Variants in LPIN3 observed in about 807,000 individuals in gnomAD.
LPIN3 encodes phosphatidate phosphatase LPIN3.
LPIN3 carries 82 observed loss-of-function variants against 94.7 expected under a neutral mutation model. The observed-to-expected ratio is 0.87, with a 90% CI of 0.72 to 1.04. LPIN3 has a LOEUF of 1.04. LPIN3 is among the 50% of genes least tolerant of loss of function. LPIN3 has a pLI of 0.00. For missense variants in LPIN3, 996 were observed against 1,090.5 expected (o/e 0.91, Z 1.22); for synonymous variants, 418 against 443.3 (o/e 0.94, Z 0.72).
At position 41,345,939 on chromosome 20, in the gene LPIN3, T is replaced by C. The variant is rs778876096; in HGVS notation, c.136T>C (p.Ser46Pro). The change falls in exon 2 of 20, where the codon TCA (serine) becomes CCA (proline). Residue 46 changes from serine (S) to proline (P), a missense_variant. By Grantham distance (74) the Ser-to-Pro change is moderately conservative. Coordinates refer to ENST00000373257, the MANE Select transcript of LPIN3 (RefSeq NM_022896.3). ...VKQVDGSFRC[S>P]PFHVRFGKLG... ...GCAGGTGGACGGCTCGTTCCGGTGC[T>C]CACCCTTCCACGTGCGTTTTGGCAA... The C allele has an allele frequency of 6.2e-7, 1 of 1,614,142 alleles. No individual in the cohort carries two copies. Among genetic ancestry groups the C allele is most frequent in the Non-Finnish European group, 8.5e-7 (1 of 1,180,028 alleles).
At chr20:41,349,648 T>C (rs2045926689) in intron 5 of LPIN3, 126 bp from the exon 6 acceptor site, 3 of 1,166,122 alleles carry the variant, frequency 2.6e-6, no homozygotes, top group Admixed American at 3.1e-5. Flanking sequence ...TCTTTACATA[T>C]TCCTTATATA....
chr20:41,352,933 T>C, intron 11 of LPIN3, 66 bp downstream of exon 11: 1 of 1,561,668 alleles, frequency 6.4e-7, no homozygotes, highest in Non-Finnish European at 8.8e-7. Flanking sequence ...ACGGAGACCC[T>C]TAGCAAGGAA....
intron 14 of LPIN3, 100 bp downstream of exon 14, chr20:41,356,134 A>G: frequency 4.7e-6 from 7 of 1,487,988 alleles, no homozygotes; most frequent in South Asian, 1.3e-5. Context: ...AGGGAGCCAC[A>G]TGTTCACCAA....
rs750657532 is a variant in LPIN3 at position 41,355,927 on chromosome 20, G to A, written c.1696G>A (p.Asp566Asn). The A allele has an allele frequency of 8.7e-6, 14 of 1,614,104 alleles. No homozygotes were observed. The highest frequency in any genetic ancestry group is 2.2e-5 in the East Asian group (1 of 44,882). ...EKTEVLSSDD[D>N]APDSPVILEI... ...GACAGAAGTCCTGAGCAGTGATGACGATGCCCCAGACAGCCCTGTGATCCT... is the reference window on the plus strand; with the variant it reads ...GACAGAAGTCCTGAGCAGTGATGACAATGCCCCAGACAGCCCTGTGATCCT... Residue 566 changes from aspartate to asparagine, a missense_variant, in exon 14 of 20, where the codon GAT becomes AAT. Transcript: ENST00000373257.
At chr20:41,341,702 G>A (rs1251299340) in intron 1 of LPIN3, among the ~76,000 whole-genome samples, 1 of 152,236 alleles carries the variant, frequency 6.6e-6, no homozygotes, top group Non-Finnish European at 1.5e-5. Flanking sequence ...TCCAAACTCC[G>A]CTGGGCGCGG....
chr20:41,356,709 G>A (rs1159586090), intron 14 of LPIN3, among the ~76,000 whole-genome samples: 1 of 152,206 alleles, frequency 6.6e-6, no homozygotes, highest in Non-Finnish European at 1.5e-5. Context: ...GTGTTTTCCT[G>A]CCAACAGCAG....
Position 41,350,260 on chromosome 20 carries a change from A to G in LPIN3, c.965A>G (p.His322Arg). ...EDPTLVGPPL[H>R]TPETEESKTQ... is the part of the protein sequence containing the mutation. ...CCCACTCTAGTGGGTCCCCCTCTCC[A>G]CACCCCAGAGACAGAGGAAAGCAAG... The change falls in exon 7 of 20, where the codon CAC (histidine) becomes CGC (arginine). Residue 322 changes from histidine to arginine, a missense_variant. Physicochemically the swap from His to Arg is conservative, Grantham distance 29. Coordinates refer to ENST00000373257, the MANE Select transcript of LPIN3 (RefSeq NM_022896.3). 1 of 1,613,772 alleles carries G rather than the reference A, an allele frequency of 6.2e-7. No homozygotes were observed. The highest frequency in any genetic ancestry group is 1.3e-5 in the African/African-American group (1 of 75,018).
intron 18 of LPIN3, 31 bp from the exon 19 acceptor site, chr20:41,358,408 C>T (rs934434313): frequency 1.9e-6 from 3 of 1,613,672 alleles, no homozygotes; most frequent in Non-Finnish European, 2.5e-6. Context: ...CTGCAGGCCT[C>T]CATTCCATGG....
At chr20:41,349,584 G>A (rs1024804957) in intron 5 of LPIN3, among the ~76,000 whole-genome samples, 190 bp from the exon 6 acceptor site, 1 of 150,376 alleles carries the variant, frequency 6.6e-6, no homozygotes, top group Non-Finnish European at 1.5e-5. Context: ...TTACTGGATT[G>A]TCTTCTTCTT....
chr20:41,358,857 C>T lies in LPIN3; in HGVS notation c.2547C>T (p.Thr849=). ...REPLPAVDLD[T]LD ...CACTGCCTGCTGTGGACCTTGATACCCTGGACTGAACCTGCCCTGGCTGGC... is the reference window on the plus strand; with the variant it reads ...CACTGCCTGCTGTGGACCTTGATACTCTGGACTGAACCTGCCCTGGCTGGC... Residue 849 remains threonine, a synonymous_variant, in exon 20 of 20, where the codon ACC becomes ACT. Coordinates refer to ENST00000373257, the MANE Select transcript of LPIN3 (RefSeq NM_022896.3). 6.2e-7 allele frequency: 1 copy of T among 1,613,884 alleles called. No individual in the cohort carries two copies. The highest frequency in any genetic ancestry group is 1.1e-5 in the South Asian group (1 of 91,062).
rs756955559 is a variant in LPIN3 at position 41,348,658 on chromosome 20, T to TG, written c.335dup (p.Leu113SerfsTer15). On this transcript the variant is annotated frameshift_variant, in exon 4 of 20. Coordinates refer to ENST00000373257, the MANE Select transcript of LPIN3 (RefSeq NM_022896.3). LOFTEE classifies it high-confidence loss of function. Reference sequence around the variant, plus strand: ...CGGCCTGTGCACCTCACCCATCCCTTGGGGGGGTCTGTCTGGCTTCCCCTC... The same window carrying TG: ...CGGCCTGTGCACCTCACCCATCCCTTGGGGGGGGTCTGTCTGGCTTCCCCTC... 1.4e-4 allele frequency: 228 copies of TG among 1,613,320 alleles called. No individual in the cohort carries two copies. Among genetic ancestry groups the TG allele is most frequent in the Middle Eastern group, 9.9e-4 (6 of 6,054 alleles).
rs532956632 is a variant in LPIN3 at position 41,351,699 on chromosome 20, G to C, written c.1103-122G>C. On this transcript the variant is annotated intron_variant, in intron 7 of 19. Transcript: ENST00000373257. The stretch of plus-strand genomic sequence containing the variant: ...CAGGCAGTGCAGACATGGGACATTT[G>C]TATCACTGCAGAAGGTTCTGCTGGG... 5.2e-6 allele frequency: 4 copies of C among 773,106 alleles called. No individual in the cohort carries two copies. In the East Asian group the frequency reaches 1.1e-4, roughly 20 times the overall value. The allele number at this position is 773,106 out of a possible 1,614,324, so 47.9% of individuals were successfully genotyped here.
rs543093899 is a variant in LPIN3 at position 41,349,807 on chromosome 20, C to T, written c.672C>T (p.Ser224=). Residue 224 remains serine (S), a synonymous_variant, in exon 6 of 20, where the codon AGC becomes AGT. Coordinates refer to ENST00000373257, the MANE Select transcript of LPIN3 (RefSeq NM_022896.3). The stretch of plus-strand genomic sequence containing the variant: ...CAGGTGAGCTAACATCCCCTAAGAG[C>T]GACTCGGAGCTGGAGGTGCGGACCC... The part of the protein sequence containing the change: ...LSAGELTSPK[S]DSELEVRTPE... 11 of 1,613,502 alleles carry T rather than the reference C, an allele frequency of 6.8e-6. No homozygotes were observed. Among genetic ancestry groups the T allele is most frequent in the South Asian group, 1.1e-5 (1 of 91,064 alleles).
intron 15 of LPIN3, 53 bp from the exon 16 acceptor site, chr20:41,357,308 G>A (rs2046245055): frequency 1.2e-6 from 2 of 1,603,444 alleles, no homozygotes; most frequent in African/African-American, 2.7e-5. Flanking sequence ...TCCTGGGGCT[G>A]GAGCTGGGCC....
Position 41,352,607 on chromosome 20 carries a change from G to A in LPIN3, c.1365G>A (p.Glu455=), listed in dbSNP as rs1264530444. 1 of 1,614,090 alleles carries A rather than the reference G, an allele frequency of 6.2e-7. No individual in the cohort carries two copies. Among genetic ancestry groups the A allele is most frequent in the South Asian group, 1.1e-5 (1 of 91,082 alleles). The change falls in exon 10 of 20, where the codon GAG becomes GAA. Residue 455 remains glutamate, a splice_region_variant and synonymous_variant. Coordinates refer to ENST00000373257, the MANE Select transcript of LPIN3 (RefSeq NM_022896.3). ...GLADSRDISL[E]KFNQHSVSYQ... is the part of the protein sequence containing the mutation. ...CCCTCACTCTGCCTCTGTGCCCAGA[G>A]AAATTCAACCAGCACAGCGTCTCTT...
intron 16 of LPIN3, 49 bp downstream of exon 16, chr20:41,357,496 G>C (rs777687549): frequency 6.7e-7 from 1 of 1,497,914 alleles, no homozygotes; most frequent in Non-Finnish European, 9.2e-7. Flanking sequence ...CCCAGCTCTA[G>C]AGAGGGAGTG....
In LPIN3 at chr20:41,352,635, C is replaced by A. The variant is rs201441091; in HGVS notation, c.1393C>A (p.Gln465Lys). Reference protein sequence around the residue: ...EKFNQHSVSYQDLTKNPGLLD... With the variant: ...EKFNQHSVSYKDLTKNPGLLD... ...ATTCAACCAGCACAGCGTCTCTTAC[C>A]AGGACCTCACCAAAAACCCCGGACT... The change falls in exon 10 of 20, where the codon CAG becomes AAG. Residue 465 changes from glutamine to lysine, a missense_variant. Physicochemically the swap from Gln to Lys is moderately conservative, Grantham distance 53. Transcript: ENST00000373257. 177 of 1,614,056 alleles carry A rather than the reference C, an allele frequency of 1.1e-4. 2 individuals are homozygous for A. The highest frequency in any genetic ancestry group is 6.6e-4 in the Middle Eastern group (4 of 6,084).
chr20:41,355,762 C>A, intron 13 of LPIN3, 134 bp from the exon 14 acceptor site: 1 of 1,173,988 alleles, frequency 8.5e-7, no homozygotes, highest in Non-Finnish European at 1.2e-6. Flanking sequence ...TGGGTTGCAC[C>A]TAGAGGGAGG....
chr20:41,353,222 G>A (rs1198793033), intron 11 of LPIN3, among the ~76,000 whole-genome samples: 1 of 152,238 alleles, frequency 6.6e-6, no homozygotes, highest in Non-Finnish European at 1.5e-5. Flanking sequence ...TACGGGGTTT[G>A]GGAAATGGAA....
Sources: allele counts gnomAD v4.1 joint callset (sites outside exome capture counted in the v4.1 genomes callset), GRCh38; gene constraint gnomAD v4.1.1; transcripts MANE v1.5; gene names NCBI Gene and HGNC (gene_info 2026-07-23, HGNC 2026-07-21).